Variants in SLC9C2 observed in about 807,000 individuals in gnomAD.
The protein encoded by SLC9C2 is solute carrier family 9 member C2 (putative), also known as sodium/hydrogen exchanger 11.
A neutral mutation model predicts 140.2 loss-of-function variants in SLC9C2; 75 were observed. That is an observed-to-expected ratio of 0.53 (90% confidence interval 0.44 to 0.65). SLC9C2 has a LOEUF of 0.65. Ranked by LOEUF, SLC9C2 falls within the 30% of genes least tolerant of loss-of-function variation. The probability of loss-of-function intolerance (pLI) is 0.00; values close to 1 mark genes in which losing one functional copy is unlikely to be tolerated. For missense variants in SLC9C2, 1,074 were observed against 1,331.8 expected, an observed-to-expected ratio of 0.81 and a Z score of 3.01; for synonymous variants, 375 against 420.9, an observed-to-expected ratio of 0.89 and a Z score of 1.34.
intron 4 of SLC9C2, among the ~76,000 whole-genome samples, chr1:173,588,530 A>G (rs1571624620): frequency 6.6e-6 from 1 of 152,146 alleles, no homozygotes; most frequent in Admixed American, 6.5e-5. Flanking sequence ...GTAACGTCAT[A>G]TGGTTTTTCT....
chr1:173,509,011 A>G (rs1659848921), intron 24 of SLC9C2, among the ~76,000 whole-genome samples: 1 of 152,230 alleles, frequency 6.6e-6, no homozygotes, highest in Middle Eastern at 3.4e-3. Flanking sequence ...CCTATTTTGA[A>G]TTTGCTAAAT....
rs929029530 is a variant in SLC9C2 at position 173,593,800 on chromosome 1, A to G, written c.357+4104T>C. On this transcript the variant is annotated intron_variant, in intron 4 of 27. Transcript: ENST00000367714. Reference sequence around the variant, plus strand: ...AAAGAAGGGCATTACATAATGGTAAAGGGTTCAATTCAACAAGAAGACCTA... The same window carrying G: ...AAAGAAGGGCATTACATAATGGTAAGGGGTTCAATTCAACAAGAAGACCTA... Among the ~76,000 whole-genome samples, 6 of 152,218 alleles carry G rather than the reference A, an allele frequency of 3.9e-5. No homozygotes were observed. The South Asian group carries it at 1.2e-3, about 32-fold the overall frequency.
At chr1:173,576,174 G>A (rs1665169001) in intron 8 of SLC9C2, among the ~76,000 whole-genome samples, 1 of 152,104 alleles carries the variant, frequency 6.6e-6, no homozygotes, top group Admixed American at 6.5e-5. Flanking sequence ...TCAGAGAAAG[G>A]CTAACTTATT....
At chr1:173,551,090 GA>G (rs1663277336) in intron 11 of SLC9C2, among the ~76,000 whole-genome samples, 1 of 152,140 alleles carries the variant, frequency 6.6e-6, no homozygotes, top group African/African-American at 2.4e-5. Context: ...ACAGTTCTAA[GA>G]ATGTGCAGGA....
intron 22 of SLC9C2, among the ~76,000 whole-genome samples, chr1:173,519,860 G>T (rs772965463): frequency 5.9e-5 from 9 of 151,972 alleles, no homozygotes; most frequent in Non-Finnish European, 1.2e-4. Context: ...TAAAAAATAG[G>T]GTTGTTGGCC....
chr1:173,544,607 C>A (rs892718448), intron 13 of SLC9C2, among the ~76,000 whole-genome samples: 20 of 152,138 alleles, frequency 1.3e-4, no homozygotes, highest in African/African-American at 4.8e-4. Context: ...GGAACCAACC[C>A]ATATGTCCAT....
In SLC9C2 at chr1:173,505,334, A is replaced by G. The variant is rs1335721626; in HGVS notation, c.3226-3T>C. On this transcript the variant is annotated splice_polypyrimidine_tract_variant and splice_region_variant and intron_variant, in intron 25 of 27. Transcript: ENST00000367714. The stretch of plus-strand genomic sequence containing the variant: ...CTTAAATCAGAAGTTCCCTGAACCT[A>G]GAGGAGAAAAGTCAAAATTAGTCAA... 6.2e-7 allele frequency: 1 copy of G among 1,612,480 alleles called. No homozygotes were observed. Among genetic ancestry groups the G allele is most frequent in the Non-Finnish European group, 8.5e-7 (1 of 1,178,694 alleles).
rs769410462 is a variant in SLC9C2, at chr1:173,601,786, T to A, written c.-10A>T. ...AGAAGTAAGAACTCATTTTTGCTGC[T>A]GCTTTTCCCCAGACCTAACTTGATG... On this transcript the variant is annotated 5_prime_UTR_variant, in exon 2 of 28. Transcript: ENST00000367714. 7 of 1,613,706 alleles carry A rather than the reference T, an allele frequency of 4.3e-6. No homozygotes were observed. In the Admixed American group the frequency reaches 8.3e-5, roughly 19 times the overall value.
At chr1:173,589,572 A>G (rs1274071427) in intron 4 of SLC9C2, among the ~76,000 whole-genome samples, 1 of 152,034 alleles carries the variant, frequency 6.6e-6, no homozygotes, top group African/African-American at 2.4e-5. Context: ...AAAAAAATAG[A>G]TATATAAATA....
At chr1:173,527,163 C>T (rs1661261369) in intron 18 of SLC9C2, among the ~76,000 whole-genome samples, 1 of 152,096 alleles carries the variant, frequency 6.6e-6, no homozygotes, top group Non-Finnish European at 1.5e-5. Context: ...CTTTTAAATT[C>T]AGAGAAAAGG....
At position 173,548,590 on chromosome 1, in the gene SLC9C2, C is replaced by T. The variant is rs1432950884; in HGVS notation, c.1298-38G>A. 3 of 1,609,830 alleles carry T rather than the reference C, an allele frequency of 1.9e-6. No homozygotes were observed. In the Admixed American group the frequency reaches 5.0e-5, roughly 27 times the overall value. ...CAAAAGCAAAGGCCTTAATAGAGTA[C>T]AGTGAGGACTGCAAGGGAAAGCAAA... On this transcript the variant is annotated intron_variant, in intron 11 of 27. Coordinates refer to ENST00000367714, the MANE Select transcript of SLC9C2 (RefSeq NM_178527.4).
intron 18 of SLC9C2, among the ~76,000 whole-genome samples, chr1:173,527,108 G>A (rs1345420959): frequency 1.3e-5 from 2 of 152,102 alleles, no homozygotes; most frequent in Non-Finnish European, 2.9e-5. Flanking sequence ...GCCTCCCAAA[G>A]TGCTGGGATT....
rs61579339 is a variant in SLC9C2 at position 173,599,362 on chromosome 1, ATTTTTTTTTT to A, written c.228+745_228+754del. Reference sequence around the variant, plus strand: ...CAAGAGCGCAAACACATTTTCCTTGATTTTTTTTTTTTTTTTTTTTTTTTTTTTTTGAGAC... The same window carrying A: ...CAAGAGCGCAAACACATTTTCCTTGATTTTTTTTTTTTTTTTTTTTGAGAC... On this transcript the variant is annotated intron_variant, in intron 3 of 27. Coordinates refer to ENST00000367714, the MANE Select transcript of SLC9C2 (RefSeq NM_178527.4). Among the ~76,000 whole-genome samples the A allele has an allele frequency of 6.7e-3, 456 of 68,112 alleles. 8 individuals are homozygous for A. Among genetic ancestry groups the A allele is most frequent in the Non-Finnish European group, 9.5e-3 (344 of 36,118 alleles). 44.7% of individuals were successfully genotyped at this position (68,112 alleles called of 152,430 possible).
At chr1:173,508,350 T>C (rs1659798549) in intron 24 of SLC9C2, among the ~76,000 whole-genome samples, 1 of 152,126 alleles carries the variant, frequency 6.6e-6, no homozygotes, top group Non-Finnish European at 1.5e-5. Context: ...TTTATATCTG[T>C]ACTTTCTCAT....
At position 173,584,871 on chromosome 1, in the gene SLC9C2, A is replaced by T. The variant is rs1665759455; in HGVS notation, c.524-1249T>A. Among the ~76,000 whole-genome samples the T allele has an allele frequency of 2.0e-5, 3 of 151,998 alleles. No individual in the cohort carries two copies. In the South Asian group the frequency reaches 6.2e-4, roughly 32 times the overall value. On this transcript the variant is annotated intron_variant, in intron 5 of 27. Transcript: ENST00000367714. ...CTCTTCTCTCTGTGTTTCATTTTAG[A>T]CAGTTTCTATTGCTACATCTTCAAG...
In SLC9C2 at chr1:173,551,426, A is replaced by T. The variant is rs1663299968; in HGVS notation, c.1298-2874T>A. Among the ~76,000 whole-genome samples the T allele has an allele frequency of 2.0e-5, 3 of 152,114 alleles. No individual in the cohort carries two copies. In the South Asian group the frequency reaches 6.2e-4, roughly 32 times the overall value. ...GCCTTATCTCATTGTGCTTTACCTT[A>T]TTGTGCTTTGCAGATATTACAGTTC... On this transcript the variant is annotated intron_variant, in intron 11 of 27. Transcript: ENST00000367714.
intron 2 of SLC9C2, 131 bp downstream of exon 2, chr1:173,601,519 G>A: frequency 1.0e-6 from 1 of 957,098 alleles, no homozygotes; most frequent in Non-Finnish European, 1.5e-6. Flanking sequence ...AAGCGAGATT[G>A]ACAGTATTCA....
In SLC9C2 at chr1:173,517,689, G is replaced by A; in HGVS notation, c.2755C>T (p.Pro919Ser). The A allele has an allele frequency of 6.2e-7, 1 of 1,605,190 alleles. No individual in the cohort carries two copies. Among genetic ancestry groups the A allele is most frequent in the Non-Finnish European group, 8.5e-7 (1 of 1,177,778 alleles). ...SGMAILHSLS[P>S]TFGIESNQRC... is the part of the protein sequence containing the mutation. ...TGATTACTCTCTATTCCAAAGGTAGGAGATAAACTATGCAACTGCAAAGGG... is the reference window on the plus strand; with the variant it reads ...TGATTACTCTCTATTCCAAAGGTAGAAGATAAACTATGCAACTGCAAAGGG... Residue 919 changes from proline to serine, a missense_variant, in exon 23 of 28, where the codon CCT becomes TCT. Pro to Ser is a moderately conservative substitution (Grantham distance 74). Coordinates refer to ENST00000367714, the MANE Select transcript of SLC9C2 (RefSeq NM_178527.4).
intron 23 of SLC9C2, among the ~76,000 whole-genome samples, chr1:173,514,004 T>C (rs1660235076): frequency 6.6e-6 from 1 of 152,220 alleles, no homozygotes; most frequent in African/African-American, 2.4e-5. Flanking sequence ...TCTAATTTGA[T>C]TGCACTGTGG....
Sources: allele counts gnomAD v4.1 joint callset (sites outside exome capture counted in the v4.1 genomes callset), GRCh38; gene constraint gnomAD v4.1.1; transcripts MANE v1.5; gene names NCBI Gene and HGNC (gene_info 2026-07-23, HGNC 2026-07-21).